The following PDGFC variants were observed in gnomAD, a reference collection of about 807,000 sequenced individuals.
The protein encoded by PDGFC is platelet-derived growth factor C.
PDGFC carries 12 observed loss-of-function variants against 35.5 expected under a neutral mutation model. The observed-to-expected ratio is 0.34, with a 90% CI of 0.22 to 0.55. The LOEUF (loss-of-function observed/expected upper bound fraction) is 0.55, where lower values mean the gene tolerates loss of function less well. PDGFC is among the 20% of genes least tolerant of loss of function. PDGFC has a pLI of 0.91. For missense variants in PDGFC, 322 were observed against 412.4 expected (o/e 0.78, Z 1.90); for synonymous variants, 159 against 148.8 (o/e 1.07, Z -0.50).
At chr4:156,945,579 C>G (rs947194235) in intron 1 of PDGFC, among the ~76,000 whole-genome samples, 1 of 151,670 alleles carries the variant, frequency 6.6e-6, no homozygotes, top group African/African-American at 2.4e-5. Context: ...AGAGATCACT[C>G]TCTCTCAAAG....
rs1731826023 is a variant in PDGFC at position 156,808,205 on chromosome 4, C to G, written c.495+2632G>C. On this transcript the variant is annotated intron_variant, in intron 3 of 5. Coordinates refer to ENST00000502773, the MANE Select transcript of PDGFC (RefSeq NM_016205.3). ...AGCTCCCTGTGGGTTTTGGACAACT[C>G]TAAGATGAAATGGCTGAATTTCTAT... Among the ~76,000 whole-genome samples the G allele has an allele frequency of 3.3e-5, 5 of 152,110 alleles. 1 individual carries two copies. The South Asian group carries it at 1.0e-3, about 32-fold the overall frequency.
chr4:156,898,978 A>G (rs907973707), intron 1 of PDGFC, among the ~76,000 whole-genome samples: 4 of 152,208 alleles, frequency 2.6e-5, no homozygotes, highest in Admixed American at 6.5e-5. Flanking sequence ...AATACCAAAA[A>G]TGTAGCAAGG....
At chr4:156,955,568 A>C (rs975089200) in intron 1 of PDGFC, among the ~76,000 whole-genome samples, 2 of 152,058 alleles carry the variant, frequency 1.3e-5, no homozygotes, top group Non-Finnish European at 2.9e-5. Context: ...TGATAAAATA[A>C]TAATACGAAA....
At chr4:156,789,043 C>A (rs1731207143) in intron 3 of PDGFC, among the ~76,000 whole-genome samples, 1 of 152,128 alleles carries the variant, frequency 6.6e-6, no homozygotes, top group Admixed American at 6.5e-5. Context: ...ATATTTAGAT[C>A]CTGGTATAAT....
intron 1 of PDGFC, chr4:156,886,969 T>C (rs912693845): frequency 5.9e-5 from 9 of 152,242 alleles, no homozygotes; most frequent in African/African-American, 2.2e-4. Flanking sequence ...GTGTCTTTTC[T>C]TACCTGTGGC....
chr4:156,957,297 CCTT>C lies in PDGFC; in HGVS notation c.118+13486_118+13488del, dbSNP rs368195256. ...TCCTTCCATCCTGGAACCACTATCT[CCTT>C]CTCTCTTAAAAACGTGATGTCTCAC... On this transcript the variant is annotated intron_variant, in intron 1 of 5. Transcript: ENST00000502773. Among the ~76,000 whole-genome samples, 426 of 152,126 alleles carry C rather than the reference CCTT, an allele frequency of 2.8e-3. 1 individual carries two copies. Among genetic ancestry groups the C allele is most frequent in the African/African-American group, 9.8e-3 (406 of 41,546 alleles).
chr4:156,915,549 T>C (rs1020096412), intron 1 of PDGFC, among the ~76,000 whole-genome samples: 9 of 152,134 alleles, frequency 5.9e-5, no homozygotes, highest in Admixed American at 5.2e-4. Flanking sequence ...TCCCAGCACT[T>C]TGGGAGGCCA....
At chr4:156,834,509 C>A (rs1729016809) in intron 2 of PDGFC, among the ~76,000 whole-genome samples, 1 of 152,052 alleles carries the variant, frequency 6.6e-6, no homozygotes, top group African/African-American at 2.4e-5. Context: ...CTTGCTTATT[C>A]AAAGTGACAG....
chr4:156,866,889 A>C (rs932641463), intron 1 of PDGFC, among the ~76,000 whole-genome samples: 2 of 152,160 alleles, frequency 1.3e-5, no homozygotes, highest in Non-Finnish European at 2.9e-5. Flanking sequence ...TATACAGTGA[A>C]TGCATCTCTA....
At chr4:156,781,867 A>G (rs541187178) in intron 3 of PDGFC, among the ~76,000 whole-genome samples, 34 of 152,318 alleles carry the variant, frequency 2.2e-4, no homozygotes, top group Middle Eastern at 3.4e-3. Context: ...ATTCAGCACT[A>G]TACATATTTA....
At chr4:156,811,655 C>A (rs1369550336) in intron 2 of PDGFC, among the ~76,000 whole-genome samples, 1 of 152,052 alleles carries the variant, frequency 6.6e-6, no homozygotes, top group Non-Finnish European at 1.5e-5. Flanking sequence ...AGAAAGGAAC[C>A]AGTTCGTACA....
At chr4:156,786,311 G>A (rs188572788) in intron 3 of PDGFC, among the ~76,000 whole-genome samples, 1 of 152,214 alleles carries the variant, frequency 6.6e-6, no homozygotes. Flanking sequence ...AATGTTAGAT[G>A]GTAAAGTGTA....
At position 156,836,397 on chromosome 4, in the gene PDGFC, C is replaced by A. The variant is rs550639641; in HGVS notation, c.314+13824G>T. Among the ~76,000 whole-genome samples, 7 of 152,270 alleles carry A rather than the reference C, an allele frequency of 4.6e-5. 1 individual carries two copies. The highest frequency in any genetic ancestry group is 3.4e-3 in the Middle Eastern group (1 of 294). On this transcript the variant is annotated intron_variant, in intron 2 of 5. Transcript: ENST00000502773. ...AAAAAAGTTACATTTAAATGAGGATCTTTTCATAAATTTTTCTTTACATAT... is the reference window on the plus strand; with the variant it reads ...AAAAAAGTTACATTTAAATGAGGATATTTTCATAAATTTTTCTTTACATAT...
At chr4:156,825,046 T>A (rs1732403220) in intron 2 of PDGFC, among the ~76,000 whole-genome samples, 1 of 152,186 alleles carries the variant, frequency 6.6e-6, no homozygotes, top group Admixed American at 6.5e-5. Context: ...AAACTAAATT[T>A]AAGAAATAAA....
intron 1 of PDGFC, among the ~76,000 whole-genome samples, chr4:156,864,225 G>A (rs1186963554): frequency 6.6e-6 from 1 of 152,082 alleles, no homozygotes; most frequent in East Asian, 1.9e-4. Context: ...AACTACCATT[G>A]CTTACTGAAG....
chr4:156,803,158 TGAA>T (rs989996737), intron 3 of PDGFC, among the ~76,000 whole-genome samples: 2 of 152,092 alleles, frequency 1.3e-5, no homozygotes, highest in Non-Finnish European at 2.9e-5. Context: ...AAAGATTTCT[TGAA>T]GAAGATGAAA....
chr4:156,953,662 A>G (rs1396499379), intron 1 of PDGFC, among the ~76,000 whole-genome samples: 1 of 152,026 alleles, frequency 6.6e-6, no homozygotes, highest in African/African-American at 2.4e-5. Flanking sequence ...TTTCTATAAA[A>G]AGACATAAAA....
chr4:156,892,370 G>C (rs1370287917), intron 1 of PDGFC, among the ~76,000 whole-genome samples: 1 of 151,992 alleles, frequency 6.6e-6, no homozygotes, highest in Non-Finnish European at 1.5e-5. Flanking sequence ...TACATCAAAA[G>C]CAAAATTAAT....
chr4:156,857,720 A>G (rs1248342269), intron 1 of PDGFC, among the ~76,000 whole-genome samples: 1 of 152,128 alleles, frequency 6.6e-6, no homozygotes, highest in Non-Finnish European at 1.5e-5. Flanking sequence ...TAGAAAATCA[A>G]TATAAGCCCA....
Sources: allele counts gnomAD v4.1 joint callset (sites outside exome capture counted in the v4.1 genomes callset), GRCh38; gene constraint gnomAD v4.1.1; transcripts MANE v1.5; gene names NCBI Gene and HGNC (gene_info 2026-07-23, HGNC 2026-07-21).